HS3ST3B1: variants seen among roughly 807,000 people sequenced by gnomAD.
HS3ST3B1 encodes heparan sulfate glucosamine 3-O-sulfotransferase 3B1.
Under a neutral mutation model 21.3 loss-of-function variants are expected in HS3ST3B1, and 13 were observed. The ratio of observed to expected loss-of-function variants is 0.61; its 90% CI spans 0.40 to 0.97. The LOEUF (loss-of-function observed/expected upper bound fraction) is 0.97. HS3ST3B1 is among the 50% of genes least tolerant of loss of function. The pLI, the probability that HS3ST3B1 is intolerant of heterozygous loss-of-function variation, is 0.00. For missense variants in HS3ST3B1, 459 were observed against 554.8 expected, an observed-to-expected ratio of 0.83 and a Z score of 1.73; for synonymous variants, 234 against 254.8, an observed-to-expected ratio of 0.92 and a Z score of 0.78.
chr17:14,304,499 A>C (rs983083603), intron 1 of HS3ST3B1: 3 of 152,260 alleles, frequency 2.0e-5, no homozygotes, highest in Non-Finnish European at 4.4e-5. Flanking sequence ...AAAGGTATGG[A>C]CGTCACAATT....
At chr17:14,309,189 C>T (rs1909225525) in intron 1 of HS3ST3B1, among the ~76,000 whole-genome samples, 1 of 152,234 alleles carries the variant, frequency 6.6e-6, no homozygotes, top group African/African-American at 2.4e-5. Context: ...GAAAATGGCT[C>T]CGAGCCACCC....
intron 1 of HS3ST3B1, among the ~76,000 whole-genome samples, chr17:14,321,104 G>T (rs1369943211): frequency 1.3e-5 from 2 of 152,232 alleles, no homozygotes; most frequent in Non-Finnish European, 2.9e-5. Context: ...CCAGCTTGGA[G>T]TGTCTGAGGA....
In HS3ST3B1 at chr17:14,301,996, C is replaced by A; in HGVS notation, c.478C>A (p.His160Asn). ...TRALLEFLRV[H>N]PDVRAVGAEP... ...GGCGCTGCTGGAGTTTCTGCGCGTGCACCCCGACGTGCGCGCCGTGGGCGC... is the reference window on the plus strand; with the variant it reads ...GGCGCTGCTGGAGTTTCTGCGCGTGAACCCCGACGTGCGCGCCGTGGGCGC... The change falls in exon 1 of 2, where the codon CAC becomes AAC. Residue 160 changes from histidine to asparagine, a missense_variant. By Grantham distance (68) the His-to-Asn change is moderately conservative. Around this residue, in one of 3 missense-constraint regions of HS3ST3B1, gnomAD observed 317 missense variants for 278.6 expected, o/e 1.14. Coordinates refer to ENST00000360954, the MANE Select transcript of HS3ST3B1 (RefSeq NM_006041.3). 1 of 1,609,436 alleles carries A rather than the reference C, an allele frequency of 6.2e-7. No individual in the cohort carries two copies. The highest frequency in any genetic ancestry group is 8.5e-7 in the Non-Finnish European group (1 of 1,179,054).
chr17:14,328,502 G>A (rs1007412467), intron 1 of HS3ST3B1: 2 of 152,160 alleles, frequency 1.3e-5, no homozygotes, highest in African/African-American at 2.4e-5. Context: ...AATTGATGAT[G>A]TCCAATTAGA....
At chr17:14,325,586 A>G (rs771772422) in intron 1 of HS3ST3B1, among the ~76,000 whole-genome samples, 3 of 152,240 alleles carry the variant, frequency 2.0e-5, no homozygotes, top group African/African-American at 4.8e-5. Flanking sequence ...CTCAAAAGCA[A>G]TAAAAGGCTG....
At chr17:14,321,356 C>T (rs188408799) in intron 1 of HS3ST3B1, among the ~76,000 whole-genome samples, 1 of 152,314 alleles carries the variant, frequency 6.6e-6, no homozygotes, top group Non-Finnish European at 1.5e-5. Context: ...TGTTTGTCTG[C>T]TGGTTCGAGA....
chr17:14,325,678 A>T (rs965117128), intron 1 of HS3ST3B1, among the ~76,000 whole-genome samples: 2 of 152,174 alleles, frequency 1.3e-5, no homozygotes. Context: ...TGCTTATTCC[A>T]AATTTCTTTA....
At chr17:14,342,366 C>G (rs1458861663) in intron 1 of HS3ST3B1, among the ~76,000 whole-genome samples, 1 of 152,118 alleles carries the variant, frequency 6.6e-6, no homozygotes, top group African/African-American at 2.4e-5. Flanking sequence ...ATAGCAGGCA[C>G]CCAATAAATT....
At chr17:14,334,507 C>T (rs1376223452) in intron 1 of HS3ST3B1, among the ~76,000 whole-genome samples, 1 of 152,094 alleles carries the variant, frequency 6.6e-6, no homozygotes, top group Non-Finnish European at 1.5e-5. Flanking sequence ...CGTGCCAGCA[C>T]ACCAGGCTCA....
intron 1 of HS3ST3B1, among the ~76,000 whole-genome samples, chr17:14,327,124 A>G (rs143980524): frequency 7.2e-4 from 109 of 152,212 alleles, no homozygotes; most frequent in African/African-American, 2.3e-3. Context: ...CACACTGGCC[A>G]TATCACTGAC....
intron 1 of HS3ST3B1, among the ~76,000 whole-genome samples, chr17:14,323,064 C>T (rs577317414): frequency 6.6e-6 from 1 of 152,134 alleles, no homozygotes; most frequent in Admixed American, 6.5e-5. Flanking sequence ...TGCCACCATG[C>T]CCGGCTAATT....
chr17:14,305,234 A>T (rs1232638008), intron 1 of HS3ST3B1: 1 of 152,236 alleles, frequency 6.6e-6, no homozygotes, highest in Non-Finnish European at 1.5e-5. Context: ...TTCTGGGTTG[A>T]CTTTTCCAGT....
intron 1 of HS3ST3B1, among the ~76,000 whole-genome samples, chr17:14,330,579 G>A (rs1037201400): frequency 1.3e-5 from 2 of 151,804 alleles, no homozygotes; most frequent in Non-Finnish European, 2.9e-5. Flanking sequence ...GTGTGTGTGT[G>A]TGTGTTGCTT....
At chr17:14,341,377 C>T (rs1910377965) in intron 1 of HS3ST3B1, among the ~76,000 whole-genome samples, 1 of 152,134 alleles carries the variant, frequency 6.6e-6, no homozygotes. Context: ...GTGACAAGTC[C>T]CCTGTGCACA....
intron 1 of HS3ST3B1, among the ~76,000 whole-genome samples, chr17:14,337,894 C>G (rs1910236458): frequency 6.6e-6 from 1 of 151,682 alleles, no homozygotes; most frequent in Admixed American, 6.6e-5. Context: ...ACATGAATAT[C>G]AGCAGAATAC....
At chr17:14,343,900 T>TC (rs1015890342) in intron 1 of HS3ST3B1, among the ~76,000 whole-genome samples, 5 of 151,360 alleles carry the variant, frequency 3.3e-5, no homozygotes, top group Admixed American at 6.6e-5. Context: ...TTTCTTTCTT[T>TC]TTTTTTTTTT....
chr17:14,348,666 C>T lies in HS3ST3B1; in HGVS notation c.*3020C>T, dbSNP rs772014464. On this transcript the variant is annotated 3_prime_UTR_variant, in exon 2 of 2. Transcript: ENST00000360954. ...CCTGGCACGTGTTTTGGACTTCCTC[C>T]GATTTACACGAAAAGCTCTGATATT... The T allele has an allele frequency of 3.3e-5, 5 of 152,092 alleles. No homozygotes were observed. Among genetic ancestry groups the T allele is most frequent in the Non-Finnish European group, 5.9e-5 (4 of 68,042 alleles). 9.4% of individuals were successfully genotyped at this position (152,092 alleles called of 1,614,324 possible).
At chr17:14,302,801 T>C (rs899292955) in intron 1 of HS3ST3B1, among the ~76,000 whole-genome samples, 1 of 152,162 alleles carries the variant, frequency 6.6e-6, no homozygotes, top group Non-Finnish European at 1.5e-5. Flanking sequence ...CGTCCGGGCC[T>C]CCGGGCACCG....
chr17:14,301,229 G>T lies in HS3ST3B1; in HGVS notation c.-290G>T. ...GAGTGCAACGTCCTCCTGGCCCCGA[G>T]CGCGTCGTCGCGCCCCGGGAGCAGA... On this transcript the variant is annotated 5_prime_UTR_variant, in exon 1 of 2. Transcript: ENST00000360954. The T allele has an allele frequency of 2.2e-6, 1 of 457,014 alleles. No homozygotes were observed. The highest frequency in any genetic ancestry group is 3.8e-6 in the Non-Finnish European group (1 of 260,564). 28.3% of individuals were successfully genotyped at this position (457,014 alleles called of 1,614,324 possible).
Sources: gnomAD v4.1 joint callset for allele counts (sites outside exome capture counted in the v4.1 genomes callset) on GRCh38, gnomAD v4.1.1 for gene constraint, gnomAD v4.1.1 regional missense constraint, MANE v1.5 for transcripts, NCBI Gene and HGNC (gene_info 2026-07-23, HGNC 2026-07-21) for gene names.